The following SLC16A7 variants were observed in gnomAD, a reference collection of about 807,000 sequenced individuals.
The protein encoded by SLC16A7 is solute carrier family 16 member 7, also known as monocarboxylate transporter 2.
A neutral mutation model predicts 34.9 loss-of-function variants in SLC16A7; 33 were observed. The ratio of observed to expected loss-of-function variants is 0.94; its 90% CI spans 0.72 to 1.26. SLC16A7 has a LOEUF of 1.26. SLC16A7 is among the 50% of genes most tolerant of loss of function. The probability of loss-of-function intolerance (pLI) is 0.00; values close to 1 mark genes in which losing one functional copy is unlikely to be tolerated. For synonymous variants in SLC16A7, 201 were observed against 206.6 expected (o/e 0.97, Z 0.23); for missense variants, 573 against 578.1 (o/e 0.99, Z 0.09).
At chr12:59,671,286 T>C (rs573653549) in intron 2 of SLC16A7, among the ~76,000 whole-genome samples, 41 of 152,320 alleles carry the variant, frequency 2.7e-4, no homozygotes, top group African/African-American at 9.1e-4. Flanking sequence ...TGAAATGATA[T>C]GGTTCAAACA....
intron 1 of SLC16A7, among the ~76,000 whole-genome samples, chr12:59,636,660 A>G (rs960212328): frequency 1.3e-5 from 2 of 152,094 alleles, no homozygotes; most frequent in Non-Finnish European, 1.5e-5. Context: ...TTATTATCAG[A>G]TATTGCAATT....
At chr12:59,682,516 A>G (rs1291973162) in intron 2 of SLC16A7, among the ~76,000 whole-genome samples, 1 of 152,206 alleles carries the variant, frequency 6.6e-6, no homozygotes, top group East Asian at 1.9e-4. Context: ...AGAGACATGA[A>G]TAATTTCAAA....
In SLC16A7 at chr12:59,775,476, G is replaced by T. The variant is rs1882670849; in HGVS notation, c.1180+1G>T. The T allele has an allele frequency of 1.2e-6, 2 of 1,608,956 alleles. No individual in the cohort carries two copies. Among genetic ancestry groups the T allele is most frequent in the African/African-American group, 1.3e-5 (1 of 74,684 alleles). On this transcript the variant is annotated splice_donor_variant, in intron 5 of 5. Transcript: ENST00000547379. LOFTEE classifies it high-confidence loss of function. ...GTTCTTCTTGGCCCTCCTCTTGCAG[G>T]TAAGAACGTTTTTCATCAAGGAAAA...
intron 3 of SLC16A7, among the ~76,000 whole-genome samples, chr12:59,730,063 T>C (rs1191061321): frequency 1.3e-5 from 2 of 152,126 alleles, no homozygotes; most frequent in African/African-American, 2.4e-5. Flanking sequence ...GAAATCTAGA[T>C]TTGAAATTTC....
At chr12:59,754,527 G>A (rs1448296459) in intron 3 of SLC16A7, among the ~76,000 whole-genome samples, 3 of 151,310 alleles carry the variant, frequency 2.0e-5, no homozygotes, top group Admixed American at 6.6e-5. Context: ...TAAATTCCTC[G>A]ACACGTACAC....
intron 3 of SLC16A7, among the ~76,000 whole-genome samples, chr12:59,755,723 C>A (rs1178316547): frequency 1.3e-5 from 2 of 152,146 alleles, no homozygotes; most frequent in Non-Finnish European, 2.9e-5. Flanking sequence ...ATCAAGCTAC[C>A]AATTACTTTC....
At chr12:59,635,104 G>T (rs1021720349) in intron 1 of SLC16A7, among the ~76,000 whole-genome samples, 1 of 151,970 alleles carries the variant, frequency 6.6e-6, no homozygotes. Context: ...TTATTGTCAT[G>T]CAGCCATTAG....
chr12:59,656,199 G>T (rs1190064625), intron 2 of SLC16A7, among the ~76,000 whole-genome samples: 2 of 151,734 alleles, frequency 1.3e-5, no homozygotes, highest in East Asian at 3.9e-4. Flanking sequence ...AACAAATCTT[G>T]GTATATCTAT....
chr12:59,710,339 A>C (rs1244714661), intron 3 of SLC16A7, among the ~76,000 whole-genome samples: 1 of 152,226 alleles, frequency 6.6e-6, no homozygotes, highest in African/African-American at 2.4e-5. Context: ...TCATGGAATA[A>C]AAGTGAGAGG....
chr12:59,690,606 T>G (rs796632014), intron 2 of SLC16A7, among the ~76,000 whole-genome samples: 9 of 152,102 alleles, frequency 5.9e-5, no homozygotes, highest in African/African-American at 2.2e-4. Context: ...TTACACAGAT[T>G]AAGTCCATGC....
intron 1 of SLC16A7, among the ~76,000 whole-genome samples, chr12:59,639,862 C>G (rs1880597141): frequency 6.6e-6 from 1 of 152,140 alleles, no homozygotes; most frequent in Non-Finnish European, 1.5e-5. Flanking sequence ...AGGGCTCAAT[C>G]TCACAATACG....
At chr12:59,617,187 A>G (rs550104315) in intron 1 of SLC16A7, among the ~76,000 whole-genome samples, 1 of 152,154 alleles carries the variant, frequency 6.6e-6, no homozygotes, top group Admixed American at 6.5e-5. Flanking sequence ...ATGGGAATAT[A>G]TCACCTAAAT....
chr12:59,762,281 A>C (rs984069600), intron 3 of SLC16A7, among the ~76,000 whole-genome samples: 2 of 152,106 alleles, frequency 1.3e-5, no homozygotes, highest in African/African-American at 4.8e-5. Context: ...ACTCTCTTGA[A>C]ACTCTTCATG....
chr12:59,652,809 G>A (rs1210263221), intron 1 of SLC16A7, among the ~76,000 whole-genome samples: 2 of 151,666 alleles, frequency 1.3e-5, no homozygotes, highest in African/African-American at 4.8e-5. Flanking sequence ...AAGAAATTAT[G>A]AAAAAGTTGC....
At chr12:59,685,937 G>C (rs1871122598) in intron 2 of SLC16A7, among the ~76,000 whole-genome samples, 1 of 151,826 alleles carries the variant, frequency 6.6e-6, no homozygotes, top group South Asian at 2.1e-4. Context: ...AACTTTTATG[G>C]AAACTAAATT....
chr12:59,705,058 A>G (rs1873408321), intron 3 of SLC16A7, 40 bp downstream of exon 3: 1 of 1,347,154 alleles, frequency 7.4e-7, no homozygotes, highest in African/African-American at 1.4e-5. Flanking sequence ...AATTAAGAAA[A>G]TAATTCCTCC....
intron 3 of SLC16A7, among the ~76,000 whole-genome samples, chr12:59,742,781 T>C (rs1044672044): frequency 3.9e-5 from 6 of 152,224 alleles, no homozygotes; most frequent in African/African-American, 1.4e-4. Flanking sequence ...TCTTTATCAA[T>C]ATCTTTATCA....
chr12:59,636,577 C>G (rs1294900135), intron 1 of SLC16A7, among the ~76,000 whole-genome samples: 1 of 152,110 alleles, frequency 6.6e-6, no homozygotes, highest in East Asian at 1.9e-4. Context: ...CAGTCCTCTG[C>G]CTCTGTCTCC....
intron 3 of SLC16A7, among the ~76,000 whole-genome samples, chr12:59,765,311 T>C (rs1230367952): frequency 6.6e-6 from 1 of 152,224 alleles, no homozygotes; most frequent in African/African-American, 2.4e-5. Flanking sequence ...TAGTTTGTTT[T>C]GCTGTGCAGA....
Sources: allele counts gnomAD v4.1 joint callset (sites outside exome capture counted in the v4.1 genomes callset), GRCh38; gene constraint gnomAD v4.1.1; transcripts MANE v1.5; gene names NCBI Gene and HGNC (gene_info 2026-07-23, HGNC 2026-07-21).